NTRK2: variants seen among roughly 807,000 people sequenced by gnomAD.
The protein encoded by NTRK2 is neurotrophic receptor tyrosine kinase 2, also known as BDNF/NT-3 growth factors receptor.
Under a neutral mutation model 94.5 loss-of-function variants are expected in NTRK2, and 13 were observed. The observed-to-expected ratio is 0.14, with a 90% CI of 0.09 to 0.22. NTRK2 has a LOEUF of 0.22. Ranked by LOEUF, NTRK2 falls within the 10% of genes least tolerant of loss-of-function variation. The probability of loss-of-function intolerance (pLI) is 1.00; values close to 1 mark genes in which losing one functional copy is unlikely to be tolerated. For synonymous variants in NTRK2, 372 were observed against 407.4 expected, an observed-to-expected ratio of 0.91 and a Z score of 1.05; for missense variants, 639 against 1,071.2, an observed-to-expected ratio of 0.60 and a Z score of 5.63.
chr9:84,921,468 C>T (rs1334976053), intron 14 of NTRK2, among the ~76,000 whole-genome samples: 1 of 152,092 alleles, frequency 6.6e-6, no homozygotes, highest in African/African-American at 2.4e-5. Flanking sequence ...GATTTTGCAA[C>T]TCATTGATAT....
At chr9:84,861,142 C>G (rs947248614) in intron 13 of NTRK2, 55 bp downstream of exon 13, 1 of 1,355,224 alleles carries the variant, frequency 7.4e-7, no homozygotes, top group Non-Finnish European at 1.1e-6. Context: ...TGTTTTTATT[C>G]GGATGAAAAT....
chr9:84,967,180 G>A (rs1268299540), intron 17 of NTRK2, among the ~76,000 whole-genome samples: 1 of 152,184 alleles, frequency 6.6e-6, no homozygotes, highest in Non-Finnish European at 1.5e-5. Context: ...ACATCATGAG[G>A]ATCACAAGAG....
intron 4 of NTRK2, among the ~76,000 whole-genome samples, chr9:84,704,869 G>GAGGA (rs2060950552): frequency 6.6e-6 from 1 of 152,070 alleles, no homozygotes; most frequent in Non-Finnish European, 1.5e-5. Context: ...GAACAGTAGG[G>GAGGA]AGGAAGGAAG....
intron 5 of NTRK2, among the ~76,000 whole-genome samples, chr9:84,710,316 A>T (rs1232508334): frequency 6.6e-6 from 1 of 152,160 alleles, no homozygotes; most frequent in East Asian, 1.9e-4. Context: ...TAACCATGAT[A>T]AATTTGTCAT....
At chr9:84,740,674 A>T (rs907868953) in intron 9 of NTRK2, among the ~76,000 whole-genome samples, 16 of 152,348 alleles carry the variant, frequency 1.1e-4, no homozygotes, top group African/African-American at 3.6e-4. Context: ...CGAAGCATGC[A>T]CTATACAGCA....
At chr9:85,012,876 A>T (rs1446757704) in intron 17 of NTRK2, among the ~76,000 whole-genome samples, 1 of 152,204 alleles carries the variant, frequency 6.6e-6, no homozygotes, top group East Asian at 1.9e-4. Flanking sequence ...TGAATGATGT[A>T]AAAAGTATTT....
Position 85,026,956 on chromosome 9 carries a change from A to G in NTRK2, c.*5519A>G. On this transcript the variant is annotated 3_prime_UTR_variant, in exon 19 of 19. Coordinates refer to ENST00000277120, the MANE Select transcript of NTRK2 (RefSeq NM_006180.6). ...AAAAAAAAAAAAGTTTTGTTTGTAA[A>G]TCATGTGACCAGCTTCTCTCAACCT... is the stretch of plus-strand genomic sequence containing the variant. 4.3e-6 allele frequency: 1 copy of G among 232,720 alleles called. No homozygotes were observed. Among genetic ancestry groups the G allele is most frequent in the Admixed American group, 5.6e-5 (1 of 17,780 alleles). 14.4% of individuals were successfully genotyped at this position (232,720 alleles called of 1,614,324 possible).
chr9:84,727,546 TA>T, intron 8 of NTRK2, 107 bp from the exon 9 acceptor site: 1 of 1,117,246 alleles, frequency 9.0e-7, no homozygotes, highest in South Asian at 1.3e-5. Context: ...TGTGTTTTTC[TA>T]AGCCAAACAA....
intron 8 of NTRK2, among the ~76,000 whole-genome samples, chr9:84,725,576 G>T (rs1404419650): frequency 1.3e-5 from 2 of 150,534 alleles, no homozygotes; most frequent in African/African-American, 4.9e-5. Flanking sequence ...CATAGCACAG[G>T]TCTACAAGTG....
At chr9:84,752,182 G>C (rs973494520) in intron 12 of NTRK2, 97 bp downstream of exon 12, 1 of 944,636 alleles carries the variant, frequency 1.1e-6, no homozygotes, top group Non-Finnish European at 1.7e-6. Flanking sequence ...CTAGATTTAT[G>C]ATGATTAGGT....
intron 15 of NTRK2, 113 bp downstream of exon 15, chr9:84,934,405 T>C: frequency 9.0e-7 from 1 of 1,106,348 alleles, no homozygotes; most frequent in Non-Finnish European, 1.3e-6. Context: ...GTTCCTGCTA[T>C]GATGGATGTA....
chr9:84,764,856 A>C (rs541983908), intron 12 of NTRK2, among the ~76,000 whole-genome samples: 138 of 152,334 alleles, frequency 9.1e-4, no homozygotes, highest in Non-Finnish European at 1.2e-3. Flanking sequence ...GTGCTTGTAC[A>C]CAATAGAGTA....
intron 17 of NTRK2, among the ~76,000 whole-genome samples, chr9:84,969,052 G>A (rs1825888961): frequency 6.6e-6 from 1 of 152,158 alleles, no homozygotes; most frequent in Non-Finnish European, 1.5e-5. Flanking sequence ...TCCTACAAGT[G>A]CAGCCACACT....
intron 14 of NTRK2, among the ~76,000 whole-genome samples, chr9:84,919,139 C>G (rs958503286): frequency 2.0e-5 from 3 of 152,148 alleles, no homozygotes; most frequent in Admixed American, 2.0e-4. Flanking sequence ...CGGTGCCTTG[C>G]TATTTGCCTT....
chr9:84,726,676 T>C (rs1247764385), intron 8 of NTRK2, among the ~76,000 whole-genome samples: 1 of 152,180 alleles, frequency 6.6e-6, no homozygotes, highest in Non-Finnish European at 1.5e-5. Context: ...GGATTCAAGA[T>C]TCTTGTTCCA....
At chr9:84,937,660 T>C (rs7858142) in intron 15 of NTRK2, among the ~76,000 whole-genome samples, 10,437 of 152,138 alleles carry the variant, frequency 0.069, 674 homozygotes, top group African/African-American at 0.17. Flanking sequence ...CATTTTTTTT[T>C]CCCTTTGCAC....
At position 84,856,541 on chromosome 9, in the gene NTRK2, G is replaced by A. The variant is rs1470227318; in HGVS notation, c.1397-4499G>A. 2.6e-5 allele frequency among the ~76,000 whole-genome samples: 4 copies of A among 151,874 alleles called. No homozygotes were observed. The East Asian group carries it at 7.7e-4, about 29-fold the overall frequency. ...TAGATCTCAGATGTGACAGTTCATT[G>A]GCTACTCAGGCAAGCACTTGGCCTG... On this transcript the variant is annotated intron_variant, in intron 12 of 18. Coordinates refer to ENST00000277120, the MANE Select transcript of NTRK2 (RefSeq NM_006180.6).
At chr9:84,892,315 T>C (rs925222328) in intron 14 of NTRK2, among the ~76,000 whole-genome samples, 2 of 152,182 alleles carry the variant, frequency 1.3e-5, no homozygotes. Flanking sequence ...CTTAGCTCTG[T>C]CTCTCACATC....
chr9:84,812,670 A>G (rs2071937719), intron 12 of NTRK2: 1 of 1,044,006 alleles, frequency 9.6e-7, no homozygotes, highest in African/African-American at 1.7e-5. Flanking sequence ...TTTGGTACAA[A>G]AAAGATTTTT....
Sources: allele counts gnomAD v4.1 joint callset (sites outside exome capture counted in the v4.1 genomes callset), GRCh38; gene constraint gnomAD v4.1.1; transcripts MANE v1.5; gene names NCBI Gene and HGNC (gene_info 2026-07-23, HGNC 2026-07-21).